HSD17B4: variants seen among roughly 807,000 people sequenced by gnomAD.
HSD17B4 encodes the protein peroxisomal multifunctional enzyme type 2.
Under a neutral mutation model 101.0 loss-of-function variants are expected in HSD17B4, and 70 were observed. That is an observed-to-expected ratio of 0.69 (90% confidence interval 0.57 to 0.85). The LOEUF (loss-of-function observed/expected upper bound fraction) is 0.85. Ranked by LOEUF, HSD17B4 falls within the 40% of genes least tolerant of loss-of-function variation. The pLI is 0.00. For missense variants in HSD17B4, 984 were observed against 892.4 expected (o/e 1.10, Z -1.31); for synonymous variants, 347 against 297.1 (o/e 1.17, Z -1.73).
chr5:119,489,431 A>G (rs1749902078), intron 9 of HSD17B4, 148 bp downstream of exon 9: 2 of 646,338 alleles, frequency 3.1e-6, no homozygotes, highest in Non-Finnish European at 5.6e-6. Flanking sequence ...TTTTTTGGAA[A>G]GTAATAGTAA....
intron 2 of HSD17B4, among the ~76,000 whole-genome samples, chr5:119,463,241 T>C (rs950505790): frequency 1.3e-5 from 2 of 152,362 alleles, no homozygotes; most frequent in Middle Eastern, 3.4e-3. Flanking sequence ...CACATTTTCT[T>C]TATCCATGCA....
intron 12 of HSD17B4, among the ~76,000 whole-genome samples, chr5:119,498,064 C>T (rs939849948): frequency 1.3e-4 from 20 of 152,212 alleles, no homozygotes; most frequent in African/African-American, 4.8e-4. Context: ...TGTGATAGCT[C>T]ATGTGAAATT....
intron 17 of HSD17B4, among the ~76,000 whole-genome samples, chr5:119,523,837 C>G (rs578194154): frequency 7.2e-5 from 11 of 152,192 alleles, no homozygotes; most frequent in Non-Finnish European, 1.3e-4. Context: ...CTGTTAGCCT[C>G]TAAATGTTTC....
In HSD17B4 at chr5:119,527,222, A is replaced by G. The variant is rs955560463; in HGVS notation, c.1767+3A>G. On this transcript the variant is annotated splice_donor_region_variant and intron_variant, in intron 20 of 23. Transcript: ENST00000510025. ...ACAGAATTCATTTTCAAACCAAGGT[A>G]TGAATTTTGCTTTTTCACCCTTCTC... 6 of 1,582,202 alleles carry G rather than the reference A, an allele frequency of 3.8e-6. No homozygotes were observed. The African/African-American group carries it at 4.0e-5, about 11-fold the overall frequency.
chr5:119,542,037 T>A lies in HSD17B4; in HGVS notation c.*43T>A, dbSNP rs777226723. The A allele has an allele frequency of 7.9e-7, 1 of 1,257,948 alleles. No individual in the cohort carries two copies. The allele number at this position is 1,257,948 out of a possible 1,614,324, so 77.9% of individuals were successfully genotyped here. ...TAATAAAAATGGAATCATTAAATAC[T>A]CTCTTCACCCAAATATGCTTGATTA... On this transcript the variant is annotated 3_prime_UTR_variant, in exon 24 of 24. Coordinates refer to ENST00000510025, the MANE Select transcript of HSD17B4 (RefSeq NM_000414.4).
chr5:119,468,972 A>G (rs571426114), intron 2 of HSD17B4, among the ~76,000 whole-genome samples: 4 of 150,622 alleles, frequency 2.7e-5, no homozygotes, highest in Admixed American at 1.3e-4. Flanking sequence ...CAGTTGGGCA[A>G]TGTGCTTATT....
chr5:119,466,977 T>C (rs540248139), intron 2 of HSD17B4, among the ~76,000 whole-genome samples: 1 of 152,328 alleles, frequency 6.6e-6, no homozygotes, highest in East Asian at 1.9e-4. Context: ...ATATTGTGTT[T>C]TTATTTTCAT....
chr5:119,524,052 G>A (rs1256231920), intron 17 of HSD17B4, among the ~76,000 whole-genome samples: 1 of 151,996 alleles, frequency 6.6e-6, no homozygotes, highest in African/African-American at 2.4e-5. Context: ...ATTATATAAA[G>A]TGCTTTTAAA....
In HSD17B4 at chr5:119,531,279, A is replaced by G. The variant is rs776447480; in HGVS notation, c.1868A>G (p.Gln623Arg). 2.0e-5 allele frequency: 32 copies of G among 1,613,688 alleles called. No homozygotes were observed. The South Asian group carries it at 3.3e-4, about 17-fold the overall frequency. Residue 623 changes from glutamine to arginine, a missense_variant, in exon 22 of 24, where the codon CAG becomes CGG. Gln to Arg is a conservative substitution (Grantham distance 43). Coordinates refer to ENST00000510025, the MANE Select transcript of HSD17B4 (RefSeq NM_000414.4). ...AKTPSEGGKL[Q>R]STFVFEEIGR... The stretch of plus-strand genomic sequence containing the variant: ...TGTCGTTGTTAGGGCGGGAAGCTTC[A>G]GAGTACCTTTGTATTTGAGGAAATA...
intron 2 of HSD17B4, among the ~76,000 whole-genome samples, chr5:119,466,880 G>T (rs1755867476): frequency 6.6e-6 from 1 of 151,940 alleles, no homozygotes; most frequent in South Asian, 2.1e-4. Flanking sequence ...TTGTTTATTT[G>T]AATTCTTTCT....
intron 20 of HSD17B4, among the ~76,000 whole-genome samples, chr5:119,528,168 A>C (rs1326705065): frequency 2.0e-5 from 3 of 152,114 alleles, no homozygotes; most frequent in Non-Finnish European, 2.9e-5. Context: ...TTCCTAAGAA[A>C]ATCTAATCTA....
At chr5:119,462,711 T>G (rs969418102) in intron 2 of HSD17B4, among the ~76,000 whole-genome samples, 2 of 152,160 alleles carry the variant, frequency 1.3e-5, no homozygotes, top group Non-Finnish European at 1.5e-5. Context: ...ACCAATGATT[T>G]TCTTTTCTTA....
intron 2 of HSD17B4, among the ~76,000 whole-genome samples, chr5:119,470,536 G>T (rs771499050): frequency 6.6e-6 from 1 of 152,170 alleles, no homozygotes; most frequent in South Asian, 2.1e-4. Context: ...ACAGGTATTT[G>T]TGATGGTAAT....
At position 119,475,815 on chromosome 5, in the gene HSD17B4, A is replaced by T; in HGVS notation, c.303-9A>T. 1 of 1,600,232 alleles carries T rather than the reference A, an allele frequency of 6.2e-7. No individual in the cohort carries two copies. Among genetic ancestry groups the T allele is most frequent in the Non-Finnish European group, 8.6e-7 (1 of 1,167,672 alleles). On this transcript the variant is annotated splice_polypyrimidine_tract_variant and intron_variant, in intron 5 of 23. Transcript: ENST00000510025. ...CCTCCTTTTACCCTATACAACATTG[A>T]TTTTTTAGAATTCTGAGGGATCGTT...
At chr5:119,536,135 T>C (rs1029301500) in intron 22 of HSD17B4, 27 of 381,516 alleles carry the variant, frequency 7.1e-5, no homozygotes, top group Non-Finnish European at 1.1e-4. Context: ...TGTGATCTTA[T>C]AGGTGTCTAT....
At chr5:119,509,962 A>G (rs1183668544) in intron 16 of HSD17B4, among the ~76,000 whole-genome samples, 1 of 152,206 alleles carries the variant, frequency 6.6e-6, no homozygotes, top group Non-Finnish European at 1.5e-5. Context: ...GATTTTAGGG[A>G]GTCAAAAGTT....
intron 2 of HSD17B4, among the ~76,000 whole-genome samples, chr5:119,464,201 ATTTG>A (rs754597907): frequency 6.6e-6 from 1 of 151,834 alleles, no homozygotes; most frequent in Non-Finnish European, 1.5e-5. Flanking sequence ...ATCTAGTCCC[ATTTG>A]TTTATTTTTG....
At chr5:119,469,284 CCT>C (rs1756121119) in intron 2 of HSD17B4, among the ~76,000 whole-genome samples, 1 of 149,942 alleles carries the variant, frequency 6.7e-6, no homozygotes, top group African/African-American at 2.5e-5. Flanking sequence ...GTTGTGTTTC[CCT>C]GTTTTTCCAT....
intron 14 of HSD17B4, among the ~76,000 whole-genome samples, chr5:119,503,477 G>A (rs1028761016): frequency 2.0e-5 from 3 of 152,096 alleles, no homozygotes; most frequent in Non-Finnish European, 4.4e-5. Context: ...AAATGTGAAT[G>A]TTCAAAATAT....
Sources: allele counts gnomAD v4.1 joint callset (sites outside exome capture counted in the v4.1 genomes callset), GRCh38; gene constraint gnomAD v4.1.1; transcripts MANE v1.5; gene names NCBI Gene and HGNC (gene_info 2026-07-23, HGNC 2026-07-21).